The following ENPEP variants were observed in gnomAD, a reference collection of about 807,000 sequenced individuals.
ENPEP encodes AP-A.
ENPEP carries 103 observed loss-of-function variants against 114.5 expected under a neutral mutation model. The ratio of observed to expected loss-of-function variants is 0.90; its 90% CI spans 0.77 to 1.06. The LOEUF is 1.06. Among genes scored for constraint, ENPEP ranks in the 50% least tolerant of loss-of-function variants. The pLI is 0.00. For synonymous variants in ENPEP, 420 were observed against 422.0 expected (o/e 1.00, Z 0.06); for missense variants, 1,196 against 1,161.3 (o/e 1.03, Z -0.43).
chr4:110,479,773 C>T (rs1469891232), intron 1 of ENPEP, among the ~76,000 whole-genome samples: 1 of 152,084 alleles, frequency 6.6e-6, no homozygotes, highest in Non-Finnish European at 1.5e-5. Flanking sequence ...AACTTTAAAA[C>T]TGCTTCTTAG....
rs777436549 is a variant in ENPEP, at chr4:110,476,492, G to A, written c.78G>A (p.Val26=). The A allele has an allele frequency of 6.3e-7, 1 of 1,582,068 alleles. No individual in the cohort carries two copies. The highest frequency in any genetic ancestry group is 8.6e-7 in the Non-Finnish European group (1 of 1,160,494). Reference sequence around the variant, plus strand: ...ATGTGGCCATTCTCTGTGCGGTGGTGGTGGGTGTAGGATTAATAGTGGGAC... The same window carrying A: ...ATGTGGCCATTCTCTGTGCGGTGGTAGTGGGTGTAGGATTAATAGTGGGAC... The part of the protein sequence containing the change: ...TKHVAILCAV[V]VGVGLIVGLA... Residue 26 remains valine, a synonymous_variant, in exon 1 of 20, where the codon GTG becomes GTA. Transcript: ENST00000265162.
Position 110,476,206 on chromosome 4 carries a change from C to G in ENPEP, c.-209C>G. 1 of 561,160 alleles carries G rather than the reference C, an allele frequency of 1.8e-6. No homozygotes were observed. Among genetic ancestry groups the G allele is most frequent in the Non-Finnish European group, 3.0e-6 (1 of 333,030 alleles). The allele number at this position is 561,160 out of a possible 1,614,324, so 34.8% of individuals were successfully genotyped here. ...CCTCTTACGGAGTCCTCATTCCACC[C>G]CCCTTGTTTCCGCATTCATCCTGAG... On this transcript the variant is annotated 5_prime_UTR_variant, in exon 1 of 20. Transcript: ENST00000265162.
At chr4:110,511,837 C>A (rs1299621710) in intron 6 of ENPEP, among the ~76,000 whole-genome samples, 2 of 151,434 alleles carry the variant, frequency 1.3e-5, no homozygotes, top group Non-Finnish European at 2.9e-5. Context: ...AATCTCGGGT[C>A]ACTGCATCCT....
At chr4:110,552,635 A>G (rs1378201084) in intron 17 of ENPEP, among the ~76,000 whole-genome samples, 2 of 152,170 alleles carry the variant, frequency 1.3e-5, no homozygotes, top group Non-Finnish European at 2.9e-5. Context: ...CACAGTGAAC[A>G]AAATGTGTGC....
At chr4:110,524,486 C>G (rs183315858) in intron 10 of ENPEP, among the ~76,000 whole-genome samples, 3 of 152,102 alleles carry the variant, frequency 2.0e-5, no homozygotes, top group East Asian at 3.9e-4. Flanking sequence ...AAAATTTTAC[C>G]GAATTCATTT....
intron 1 of ENPEP, among the ~76,000 whole-genome samples, chr4:110,480,991 C>A (rs1220601505): frequency 2.0e-5 from 3 of 152,142 alleles, no homozygotes; most frequent in African/African-American, 7.2e-5. Flanking sequence ...GTTCCCTTCC[C>A]TAAAAGAGTT....
chr4:110,532,870 A>G (rs980961995), intron 11 of ENPEP, among the ~76,000 whole-genome samples: 1 of 152,184 alleles, frequency 6.6e-6, no homozygotes, highest in Non-Finnish European at 1.5e-5. Context: ...CTGTGTTTCA[A>G]TGCGAGGCTC....
At chr4:110,519,158 C>T (rs1342256996) in intron 8 of ENPEP, 1 of 454,896 alleles carries the variant, frequency 2.2e-6, no homozygotes, top group Non-Finnish European at 4.4e-6. Flanking sequence ...CATCCCTCTT[C>T]CAGGCTTCTT....
chr4:110,555,560 A>C (rs900318807), intron 18 of ENPEP, among the ~76,000 whole-genome samples: 2 of 152,028 alleles, frequency 1.3e-5, no homozygotes, highest in African/African-American at 4.8e-5. Flanking sequence ...ATACTTCAGA[A>C]ATTATTCTTT....
Position 110,539,482 on chromosome 4 carries a change from A to C in ENPEP, c.1808-3269A>C, listed in dbSNP as rs911232102. Among the ~76,000 whole-genome samples the C allele has an allele frequency of 1.8e-4, 27 of 152,200 alleles. 1 individual carries two copies. The highest frequency in any genetic ancestry group is 1.0e-4 in the Non-Finnish European group (7 of 68,042). Reference sequence around the variant, plus strand: ...AAAGTCTAATAATGCATTCTACTTGAAACTTTTAGCTCTTCAAATATATTT... The same window carrying C: ...AAAGTCTAATAATGCATTCTACTTGCAACTTTTAGCTCTTCAAATATATTT... On this transcript the variant is annotated intron_variant, in intron 11 of 19. Coordinates refer to ENST00000265162, the MANE Select transcript of ENPEP (RefSeq NM_001977.4).
intron 3 of ENPEP, among the ~76,000 whole-genome samples, chr4:110,504,777 C>T (rs1315209475): frequency 6.6e-6 from 1 of 152,178 alleles, no homozygotes; most frequent in Non-Finnish European, 1.5e-5. Context: ...CAGAAGCATA[C>T]TGCTTAAAGG....
chr4:110,484,935 T>A (rs1267603276), intron 1 of ENPEP, among the ~76,000 whole-genome samples: 33 of 138,294 alleles, frequency 2.4e-4, no homozygotes, highest in Non-Finnish European at 4.2e-4. Flanking sequence ...GCACGCACAC[T>A]CACACACACT....
At chr4:110,529,917 T>C (rs1726339386) in intron 10 of ENPEP, among the ~76,000 whole-genome samples, 1 of 91,384 alleles carries the variant, frequency 1.1e-5, no homozygotes, top group South Asian at 3.7e-4. Flanking sequence ...CTACTAAAAA[T>C]ACAAAAAAAT....
At chr4:110,521,127 T>C (rs1725971036) in intron 10 of ENPEP, among the ~76,000 whole-genome samples, 1 of 152,192 alleles carries the variant, frequency 6.6e-6, no homozygotes, top group Admixed American at 6.5e-5. Context: ...CAGTCAGACC[T>C]TCTGCTCAGC....
intron 11 of ENPEP, chr4:110,533,168 T>C (rs1454282627): frequency 2.5e-6 from 1 of 402,616 alleles, no homozygotes; most frequent in Non-Finnish European, 5.0e-6. Context: ...TCATCTACCC[T>C]AGTACAATTC....
intron 7 of ENPEP, among the ~76,000 whole-genome samples, chr4:110,515,038 A>G (rs1288517710): frequency 2.6e-5 from 4 of 152,144 alleles, no homozygotes; most frequent in African/African-American, 7.2e-5. Context: ...CATTCATCAA[A>G]GAATGTGATT....
At chr4:110,509,558 T>A in intron 4 of ENPEP, 95 bp from the exon 5 acceptor site, 2 of 1,462,608 alleles carry the variant, frequency 1.4e-6, no homozygotes, top group Admixed American at 2.4e-5. Context: ...TTTAGGCTTT[T>A]AAAAAACATT....
Position 110,563,250 on chromosome 4 carries a change from C to A in ENPEP, c.*1692C>A, listed in dbSNP as rs1001446577. On this transcript the variant is annotated 3_prime_UTR_variant, in exon 20 of 20. Coordinates refer to ENST00000265162, the MANE Select transcript of ENPEP (RefSeq NM_001977.4). ...CATATTATGAGGTGAGATGGTTTAT[C>A]CTTCTGTTTTATGAAATTAATACAT... 6.6e-6 allele frequency: 1 copy of A among 152,046 alleles called. No individual in the cohort carries two copies. Among genetic ancestry groups the A allele is most frequent in the Non-Finnish European group, 1.5e-5 (1 of 67,980 alleles). 9.4% of individuals were successfully genotyped at this position (152,046 alleles called of 1,614,324 possible). A position where few individuals can be genotyped will look rare whatever the true frequency, so the allele number is the denominator to read the frequency against.
At chr4:110,559,788 A>T in intron 19 of ENPEP, 63 bp downstream of exon 19, 1 of 1,372,528 alleles carries the variant, frequency 7.3e-7, no homozygotes, top group Non-Finnish European at 1.0e-6. Context: ...TTTTAAAAAA[A>T]ATTTTACTTT....
Sources: gnomAD v4.1 joint callset for allele counts (sites outside exome capture counted in the v4.1 genomes callset) on GRCh38, gnomAD v4.1.1 for gene constraint, MANE v1.5 for transcripts, NCBI Gene and HGNC (gene_info 2026-07-23, HGNC 2026-07-21) for gene names.